PTPRM: variants seen among roughly 807,000 people sequenced by gnomAD.
PTPRM encodes receptor-type tyrosine-protein phosphatase mu.
In PTPRM, 47 loss-of-function variants were observed where a neutral mutation model predicts 186.7. The ratio of observed to expected loss-of-function variants is 0.25; its 90% confidence interval spans 0.20 to 0.32. The LOEUF (loss-of-function observed/expected upper bound fraction) is 0.32, where lower values mean the gene tolerates loss of function less well. PTPRM is among the 10% of genes least tolerant of loss of function. The pLI is 1.00. For missense variants in PTPRM, 1,494 were observed against 1,865.0 expected (o/e 0.80, Z 3.66); for synonymous variants, 668 against 674.9 (o/e 0.99, Z 0.16).
At chr18:7,653,292 A>G (rs1332622431) in intron 1 of PTPRM, among the ~76,000 whole-genome samples, 3 of 152,016 alleles carry the variant, frequency 2.0e-5, no homozygotes, top group South Asian at 2.1e-4. Flanking sequence ...GACCACAGGC[A>G]TGCACCACCA....
intron 2 of PTPRM, among the ~76,000 whole-genome samples, chr18:7,855,756 A>C (rs918726899): frequency 6.6e-6 from 1 of 152,240 alleles, no homozygotes; most frequent in South Asian, 2.1e-4. Flanking sequence ...CCTCCATCTG[A>C]GAAGACACTG....
At chr18:7,704,919 G>C (rs566534044) in intron 1 of PTPRM, among the ~76,000 whole-genome samples, 12 of 152,058 alleles carry the variant, frequency 7.9e-5, no homozygotes, top group Non-Finnish European at 1.5e-4. Context: ...AATTTTTAGA[G>C]AAAAAGTGAC....
chr18:8,371,288 C>T (rs1312333705), intron 24 of PTPRM, among the ~76,000 whole-genome samples: 4 of 152,088 alleles, frequency 2.6e-5, no homozygotes, highest in Non-Finnish European at 2.9e-5. Flanking sequence ...TTGTTCTGCC[C>T]GTCTCTCTTT....
rs1455137114 is a variant in PTPRM, at chr18:8,329,506, TA to T, written c.2956+10296del. On this transcript the variant is annotated intron_variant, in intron 22 of 32. Transcript: ENST00000580170. ...CATCTTTCTCTCAGGTTCAGCCCTT[TA>T]AAAGGAGAGAGCTGAAACTAATACC... Among the ~76,000 whole-genome samples the T allele has an allele frequency of 1.3e-5, 2 of 152,328 alleles. 1 individual carries two copies. The highest frequency in any genetic ancestry group is 1.3e-4 in the Admixed American group (2 of 15,308).
intron 1 of PTPRM, among the ~76,000 whole-genome samples, chr18:7,600,109 G>T (rs942391593): frequency 4.5e-4 from 68 of 152,294 alleles, no homozygotes; most frequent in African/African-American, 1.6e-3. Flanking sequence ...CACCAATCTG[G>T]ATTTGAAACC....
intron 7 of PTPRM, among the ~76,000 whole-genome samples, chr18:7,990,060 C>A (rs542262311): frequency 7.9e-5 from 12 of 152,190 alleles, no homozygotes; most frequent in South Asian, 4.2e-4. Context: ...TGCACCACCA[C>A]GCCTGGCTAA....
At chr18:8,261,916 T>G (rs2147501964) in intron 19 of PTPRM, among the ~76,000 whole-genome samples, 1 of 152,316 alleles carries the variant, frequency 6.6e-6, no homozygotes, top group Middle Eastern at 3.4e-3. Context: ...GCTTTTAGTG[T>G]CAGATGCCAT....
chr18:7,901,346 C>A (rs989336071), intron 3 of PTPRM, among the ~76,000 whole-genome samples: 3 of 152,064 alleles, frequency 2.0e-5, no homozygotes, highest in African/African-American at 7.2e-5. Flanking sequence ...TTTAAGATGA[C>A]CCTCATCCTT....
chr18:8,361,457 T>C (rs2095596873), intron 23 of PTPRM, among the ~76,000 whole-genome samples: 1 of 152,216 alleles, frequency 6.6e-6, no homozygotes, highest in Non-Finnish European at 1.5e-5. Flanking sequence ...AGTCTTTAGC[T>C]CATCAGAGTG....
chr18:8,250,796 A>C (rs1294992443), intron 17 of PTPRM, among the ~76,000 whole-genome samples: 1 of 152,032 alleles, frequency 6.6e-6, no homozygotes, highest in Non-Finnish European at 1.5e-5. Flanking sequence ...CTCCAAAAAA[A>C]AAAAAAGTAG....
intron 2 of PTPRM, among the ~76,000 whole-genome samples, chr18:7,880,324 T>C (rs1185982090): frequency 6.6e-6 from 1 of 152,208 alleles, no homozygotes; most frequent in Admixed American, 6.5e-5. Flanking sequence ...CAGCATGTCA[T>C]GAATGGGGCA....
intron 1 of PTPRM, among the ~76,000 whole-genome samples, chr18:7,772,940 TTTAA>T (rs959929901): frequency 2.1e-4 from 32 of 152,170 alleles, no homozygotes; most frequent in Admixed American, 1.8e-3. Context: ...ATAAGATCAA[TTTAA>T]TTAATCACTT....
At chr18:8,157,451 A>G (rs150718302) in intron 14 of PTPRM, among the ~76,000 whole-genome samples, 2 of 152,282 alleles carry the variant, frequency 1.3e-5, no homozygotes, top group African/African-American at 2.4e-5. Context: ...TTTCCCATGG[A>G]GAGCATCATT....
At chr18:7,806,789 C>T (rs1028801182) in intron 2 of PTPRM, among the ~76,000 whole-genome samples, 2 of 152,086 alleles carry the variant, frequency 1.3e-5, no homozygotes, top group African/African-American at 4.8e-5. Context: ...TCTTTGTTTA[C>T]AAAGAACAGG....
intron 14 of PTPRM, among the ~76,000 whole-genome samples, chr18:8,209,105 A>G (rs1178749835): frequency 6.6e-6 from 1 of 152,164 alleles, no homozygotes; most frequent in East Asian, 1.9e-4. Flanking sequence ...TCCCGTCGGA[A>G]GGTTTTGAAA....
At chr18:7,974,450 A>T (rs1429713147) in intron 7 of PTPRM, among the ~76,000 whole-genome samples, 1 of 152,230 alleles carries the variant, frequency 6.6e-6, no homozygotes, top group Non-Finnish European at 1.5e-5. Flanking sequence ...CATAAATATT[A>T]GGTCAGACAG....
chr18:8,053,069 T>A (rs562954579), intron 7 of PTPRM, among the ~76,000 whole-genome samples: 1 of 152,296 alleles, frequency 6.6e-6, no homozygotes, highest in East Asian at 1.9e-4. Flanking sequence ...TCAATATCTC[T>A]CGTTTGTTTA....
chr18:8,105,966 A>G, intron 11 of PTPRM, among the ~76,000 whole-genome samples: 1 of 152,038 alleles, frequency 6.6e-6, no homozygotes, highest in African/African-American at 2.4e-5. Flanking sequence ...TGATTTGGAA[A>G]GAGAGAGGAG....
chr18:7,672,161 G>A (rs1296659891), intron 1 of PTPRM, among the ~76,000 whole-genome samples: 1 of 152,170 alleles, frequency 6.6e-6, no homozygotes, highest in East Asian at 1.9e-4. Flanking sequence ...TTTTCATGGG[G>A]ATTGTGAATC....
Sources: gnomAD v4.1 joint callset for allele counts (sites outside exome capture counted in the v4.1 genomes callset) on GRCh38, gnomAD v4.1.1 for gene constraint, MANE v1.5 for transcripts, NCBI Gene and HGNC (gene_info 2026-07-23, HGNC 2026-07-21) for gene names.